Variants in NFKBIA observed in about 807,000 individuals in gnomAD.
NFKBIA encodes NF-kappa-B inhibitor alpha.
Under a neutral mutation model 36.3 loss-of-function variants are expected in NFKBIA, and 10 were observed. The observed-to-expected ratio is 0.28, with a 90% confidence interval of 0.17 to 0.47. The LOEUF is 0.47. Among genes scored for constraint, NFKBIA ranks in the 20% least tolerant of loss-of-function variants. The pLI, the probability that NFKBIA is intolerant of heterozygous loss-of-function variation, is 0.99. For missense variants in NFKBIA, 355 were observed against 399.3 expected, an observed-to-expected ratio of 0.89 and a Z score of 0.94; for synonymous variants, 205 against 164.4, an observed-to-expected ratio of 1.25 and a Z score of -1.89.
At chr14:35,403,033 C>T (rs1410294268) in intron 3 of NFKBIA, 117 bp downstream of exon 3, 7 of 1,344,040 alleles carry the variant, frequency 5.2e-6, no homozygotes, top group Non-Finnish European at 6.3e-6. Flanking sequence ...ATTTTCTCAA[C>T]CTTCCAAATG....
intron 5 of NFKBIA, 138 bp downstream of exon 5, chr14:35,402,256 G>T: frequency 7.7e-7 from 1 of 1,301,662 alleles, no homozygotes; most frequent in Non-Finnish European, 1.1e-6. Flanking sequence ...GTACATTCTT[G>T]GGATACTGGT....
At chr14:35,403,855 G>C in intron 1 of NFKBIA, 57 bp from the exon 2 acceptor site, 1 of 1,301,828 alleles carries the variant, frequency 7.7e-7, no homozygotes, top group Non-Finnish European at 1.1e-6. Flanking sequence ...GTGGGGCCCA[G>C]GGAGGCGCGG....
chr14:35,401,566 C>A lies in NFKBIA; in HGVS notation c.*447G>T. The A allele has an allele frequency of 4.2e-6, 1 of 239,458 alleles. No homozygotes were observed. Among genetic ancestry groups the A allele is most frequent in the Admixed American group, 5.1e-5 (1 of 19,548 alleles). 14.8% of individuals were successfully genotyped at this position (239,458 alleles called of 1,614,324 possible). Reference sequence around the variant, plus strand: ...ATCATAAAAGTACCAAAATAATTACCAACAATACATTATGTACACCATTTA... The same window carrying A: ...ATCATAAAAGTACCAAAATAATTACAAACAATACATTATGTACACCATTTA... On this transcript the variant is annotated 3_prime_UTR_variant, in exon 6 of 6. Coordinates refer to ENST00000216797, the MANE Select transcript of NFKBIA (RefSeq NM_020529.3).
Position 35,403,756 on chromosome 14 carries a change from G to A in NFKBIA, c.270C>T (p.Thr90=), listed in dbSNP as rs780297815. Residue 90 remains threonine, a synonymous_variant, in exon 2 of 6, where the codon ACC becomes ACT. Coordinates refer to ENST00000216797, the MANE Select transcript of NFKBIA (RefSeq NM_020529.3). ...LAIIHEEKAL[T]MEVIRQVKGD... is the part of the protein sequence containing the mutation. ...CCTTCACCTGGCGGATCACTTCCATGGTCAGTGCCTTTTCTTCATGGATGA... is the reference window on the plus strand; with the variant it reads ...CCTTCACCTGGCGGATCACTTCCATAGTCAGTGCCTTTTCTTCATGGATGA... 2.5e-6 allele frequency: 4 copies of A among 1,613,926 alleles called. No homozygotes were observed. Among genetic ancestry groups the A allele is most frequent in the Non-Finnish European group, 3.4e-6 (4 of 1,179,986 alleles).
At position 35,401,878 on chromosome 14, in the gene NFKBIA, G is replaced by GT; in HGVS notation, c.*134dup. On this transcript the variant is annotated 3_prime_UTR_variant, in exon 6 of 6. Transcript: ENST00000216797. ...AGGGCTGATCCTACCACAATAAGAC[G>GT]TTTTGGGCCAGGCAGTGTGCAGTGT... 2.1e-6 allele frequency: 2 copies of GT among 966,424 alleles called. No homozygotes were observed. The allele number at this position is 966,424 out of a possible 1,614,324, so 59.9% of individuals were successfully genotyped here.
Position 35,401,625 on chromosome 14 carries a change from C to G in NFKBIA, c.*388G>C. On this transcript the variant is annotated 3_prime_UTR_variant, in exon 6 of 6. Transcript: ENST00000216797. ...TAACACAAACCTTGACAGGTAGTAA[C>G]TTTTCACCCCACATCACTGAACGCT... is the stretch of plus-strand genomic sequence containing the variant. The G allele has an allele frequency of 3.0e-6, 1 of 330,342 alleles. No homozygotes were observed. The highest frequency in any genetic ancestry group is 2.1e-5 in the African/African-American group (1 of 47,502). The allele number at this position is 330,342 out of a possible 1,614,324, so 20.5% of individuals were successfully genotyped here.
rs2138833958 is a variant in NFKBIA, at chr14:35,404,409, G to A, written c.227+9C>T. 4.1e-6 allele frequency: 4 copies of A among 987,132 alleles called. No homozygotes were observed. The highest frequency in any genetic ancestry group is 5.7e-6 in the Non-Finnish European group (4 of 704,780). 61.1% of individuals were successfully genotyped at this position (987,132 alleles called of 1,614,324 possible). On this transcript the variant is annotated intron_variant, in intron 1 of 5. Coordinates refer to ENST00000216797, the MANE Select transcript of NFKBIA (RefSeq NM_020529.3). ...CGACGACCCCCAGCCCCGGGCCTCCGCCACTTACGAGTCCCCGTCCTCGGT... is the reference window on the plus strand; with the variant it reads ...CGACGACCCCCAGCCCCGGGCCTCCACCACTTACGAGTCCCCGTCCTCGGT...
intron 1 of NFKBIA, 160 bp from the exon 2 acceptor site, chr14:35,403,958 G>C: frequency 1.5e-6 from 1 of 658,328 alleles, no homozygotes; most frequent in Non-Finnish European, 2.7e-6. Flanking sequence ...CCTGGCAGGC[G>C]CCCAGGGACT....
chr14:35,402,700 AT>A, intron 4 of NFKBIA, 37 bp from the exon 5 acceptor site: 2 of 1,614,222 alleles, frequency 1.2e-6, no homozygotes, highest in African/African-American at 2.7e-5. Context: ...TTATGGCTGC[AT>A]TTGGAATTTC....
Position 35,402,011 on chromosome 14 carries a change from G to A in NFKBIA, c.*2C>T, listed in dbSNP as rs8904. 617,125 of 1,611,958 alleles carry A rather than the reference G, an allele frequency of 0.38. 121,408 individuals are homozygous for A. Among genetic ancestry groups the A allele is most frequent in the African/African-American group, 0.6 (44,899 of 74,738 alleles). On this transcript the variant is annotated 3_prime_UTR_variant, in exon 6 of 6. Transcript: ENST00000216797. ...GTCCATGTTCTTTCAGCCCCTTTGC[G>A]CTCATAACGTCAGACGCTGGCCTCC...
In NFKBIA at chr14:35,402,833, T is replaced by C. The variant is rs996526560; in HGVS notation, c.574A>G (p.Ile192Val). Residue 192 changes from isoleucine to valine, a missense_variant, in exon 4 of 6, where the codon ATC (isoleucine) becomes GTC (valine). By Grantham distance (29) the Ile-to-Val change is conservative. Coordinates refer to ENST00000216797, the MANE Select transcript of NFKBIA (RefSeq NM_020529.3). ...TCCACGATGCCCAGGTAGCCATGGA[T>C]AGAGGCTAAGTGTAGACACGTGTGG... ...NGHTCLHLAS[I>V]HGYLGIVELL... 6.2e-7 allele frequency: 1 copy of C among 1,614,066 alleles called. No individual in the cohort carries two copies. The highest frequency in any genetic ancestry group is 1.3e-5 in the African/African-American group (1 of 74,916).
chr14:35,403,764 C>T lies in NFKBIA; in HGVS notation c.262G>A (p.Ala88Thr), dbSNP rs556918000. The change falls in exon 2 of 6, where the codon GCA becomes ACA. Residue 88 changes from alanine (A) to threonine (T), a missense_variant. Coordinates refer to ENST00000216797, the MANE Select transcript of NFKBIA (RefSeq NM_020529.3). ...TGGCGGATCACTTCCATGGTCAGTG[C>T]CTTTTCTTCATGGATGATGGCCAAG... ...LHLAIIHEEK[A>T]LTMEVIRQVK... is the part of the protein sequence containing the mutation. 1 of 1,613,994 alleles carries T rather than the reference C, an allele frequency of 6.2e-7. No individual in the cohort carries two copies. Among genetic ancestry groups the T allele is most frequent in the South Asian group, 1.1e-5 (1 of 91,042 alleles).
chr14:35,404,113 G>A (rs1316303510), intron 1 of NFKBIA: 2 of 406,554 alleles, frequency 4.9e-6, no homozygotes, highest in Non-Finnish European at 8.9e-6. Context: ...TATGCAACCG[G>A]GGACTTCGCG....
Position 35,404,590 on chromosome 14 carries a change from C to A in NFKBIA, c.55G>T (p.Gly19Trp). 1.3e-6 allele frequency: 2 copies of A among 1,581,910 alleles called. No individual in the cohort carries two copies. The highest frequency in any genetic ancestry group is 1.7e-6 in the Non-Finnish European group (2 of 1,165,754). The change falls in exon 1 of 6, where the codon GGG becomes TGG. Residue 19 changes from glycine (G) to tryptophan (W), a missense_variant. Physicochemically the swap from Gly to Trp is radical, Grantham distance 184 (BLOSUM62 -2). Transcript: ENST00000216797. ...TCCAGTAGCCGCTCCTTCTTCAGCC[C>A]GTCGCGGGGGCCCTCCATGGCCCAC... ...QEWAMEGPRD[G>W]LKKERLLDDR...
chr14:35,401,977 A>C lies in NFKBIA; in HGVS notation c.*36T>G. On this transcript the variant is annotated 3_prime_UTR_variant, in exon 6 of 6. Transcript: ENST00000216797. ...AAAAATAAAACTTTTTTTTTGTACA[A>C]ATATACAAGTCCATGTTCTTTCAGC... 1 of 1,610,382 alleles carries C rather than the reference A, an allele frequency of 6.2e-7. No homozygotes were observed. The highest frequency in any genetic ancestry group is 8.5e-7 in the Non-Finnish European group (1 of 1,177,304).
rs2138829707 is a variant in NFKBIA at position 35,402,040 on chromosome 14, C to T, written c.927G>A (p.Val309=). Reference sequence around the variant, plus strand: ...ATAACGTCAGACGCTGGCCTCCAAACACACAGTCATCATAGGGCAGCTGAA... The same window carrying T: ...ATAACGTCAGACGCTGGCCTCCAAATACACAGTCATCATAGGGCAGCTGAA... The part of the protein sequence containing the change: ...TEDELPYDDC[V]FGGQRLTL The change falls in exon 6 of 6, where the codon GTG becomes GTA. Residue 309 remains valine (V), a synonymous_variant. Transcript: ENST00000216797. 1 of 1,614,038 alleles carries T rather than the reference C, an allele frequency of 6.2e-7. No homozygotes were observed.
chr14:35,404,297 GCGCC>G (rs2052764776), intron 1 of NFKBIA, 117 bp downstream of exon 1: 1 of 661,436 alleles, frequency 1.5e-6, no homozygotes, highest in Non-Finnish European at 2.1e-6. Flanking sequence ...GGGTGCCGCG[GCGCC>G]CGCCCGGCTG....
At position 35,404,574 on chromosome 14, in the gene NFKBIA, C is replaced by A; in HGVS notation, c.71G>T (p.Arg24Leu). 2 of 1,592,530 alleles carry A rather than the reference C, an allele frequency of 1.3e-6. No individual in the cohort carries two copies. Among genetic ancestry groups the A allele is most frequent in the Non-Finnish European group, 1.7e-6 (2 of 1,170,884 alleles). The change falls in exon 1 of 6, where the codon CGG (arginine) becomes CTG (leucine). Residue 24 changes from arginine (R) to leucine (L), a missense_variant. By Grantham distance (102) the Arg-to-Leu change is moderately radical. Coordinates refer to ENST00000216797, the MANE Select transcript of NFKBIA (RefSeq NM_020529.3). ...GCTGTCGTGGCGGTCGTCCAGTAGC[C>A]GCTCCTTCTTCAGCCCGTCGCGGGG... ...EGPRDGLKKE[R>L]LLDDRHDSGL... is the part of the protein sequence containing the mutation.
intron 1 of NFKBIA, 127 bp from the exon 2 acceptor site, chr14:35,403,925 G>C (rs1204986854): frequency 3.7e-5 from 27 of 735,390 alleles, no homozygotes; most frequent in Admixed American, 6.0e-5. Flanking sequence ...TGTTTTCCGC[G>C]AGGTTATTAT....
Sources: allele counts gnomAD v4.1 joint callset, GRCh38; gene constraint gnomAD v4.1.1; transcripts MANE v1.5; gene names NCBI Gene and HGNC (gene_info 2026-07-23, HGNC 2026-07-21).